Variants in ASB15 observed in about 807,000 individuals in gnomAD.
The protein encoded by ASB15 is ankyrin repeat and SOCS box protein 15.
A neutral mutation model predicts 58.0 loss-of-function variants in ASB15; 54 were observed. That is an observed-to-expected ratio of 0.93 (90% confidence interval 0.75 to 1.17). The LOEUF (loss-of-function observed/expected upper bound fraction) is 1.17. ASB15 is among the 50% of genes most tolerant of loss of function. The pLI is 0.00. For missense variants in ASB15, 680 were observed against 707.4 expected (o/e 0.96, Z 0.44); for synonymous variants, 249 against 262.4 (o/e 0.95, Z 0.50).
At chr7:123,583,929 T>C (rs1313291014) in intron 1 of ASB15, among the ~76,000 whole-genome samples, 1 of 151,954 alleles carries the variant, frequency 6.6e-6, no homozygotes, top group Non-Finnish European at 1.5e-5. Flanking sequence ...CAGCAGAATT[T>C]GATACAGTCG....
intron 1 of ASB15, among the ~76,000 whole-genome samples, chr7:123,572,706 CTT>C (rs571206312): frequency 1.4e-5 from 2 of 147,818 alleles, no homozygotes; most frequent in South Asian, 4.3e-4. Flanking sequence ...CACTCTATCT[CTT>C]TTTTTTCAAT....
chr7:123,625,858 C>G (rs963558740), intron 8 of ASB15, among the ~76,000 whole-genome samples: 1 of 152,202 alleles, frequency 6.6e-6, no homozygotes, highest in Non-Finnish European at 1.5e-5. Flanking sequence ...AAAAGACTAA[C>G]ATTTTTGAGG....
intron 7 of ASB15, among the ~76,000 whole-genome samples, chr7:123,623,618 C>T (rs774514220): frequency 1.3e-5 from 2 of 151,990 alleles, no homozygotes; most frequent in Non-Finnish European, 2.9e-5. Flanking sequence ...GTAATCCAAG[C>T]ACTTTAGGAG....
rs894742106 is a variant in ASB15 at position 123,637,891 on chromosome 7, A to C, written c.*910A>C. The C allele has an allele frequency of 6.7e-6, 1 of 149,324 alleles. No homozygotes were observed. The highest frequency in any genetic ancestry group is 1.9e-4 in the East Asian group (1 of 5,132). The allele number at this position is 149,324 out of a possible 1,614,324, so 9.2% of individuals were successfully genotyped here. A position where few individuals can be genotyped will look rare whatever the true frequency, so the allele number is the denominator to read the frequency against. On this transcript the variant is annotated 3_prime_UTR_variant, in exon 12 of 12. Coordinates refer to ENST00000451215, the MANE Select transcript of ASB15 (RefSeq NM_001290258.2). Reference sequence around the variant, plus strand: ...CCCCAGATGAACTAAAAAAAAAAAAAAAAAAAAAACCTCTTTCCCGAGCTC... The same window carrying C: ...CCCCAGATGAACTAAAAAAAAAAAACAAAAAAAAACCTCTTTCCCGAGCTC...
At chr7:123,625,016 C>T in intron 8 of ASB15, 1 of 600,554 alleles carries the variant, frequency 1.7e-6, no homozygotes, top group Non-Finnish European at 2.8e-6. Context: ...ACATTGTGAC[C>T]TACGAATTTA....
chr7:123,626,035 TGTCA>T (rs1483260636), intron 8 of ASB15, among the ~76,000 whole-genome samples: 1 of 152,196 alleles, frequency 6.6e-6, no homozygotes, highest in Non-Finnish European at 1.5e-5. Context: ...CTTGTCTTAA[TGTCA>T]GTGTCACTGG....
At chr7:123,605,847 G>A (rs983629224) in intron 2 of ASB15, among the ~76,000 whole-genome samples, 1 of 152,046 alleles carries the variant, frequency 6.6e-6, no homozygotes, top group African/African-American at 2.4e-5. Flanking sequence ...CCTACCTGAG[G>A]GTCGAAAGTG....
chr7:123,582,683 T>C (rs1799268852), intron 1 of ASB15, among the ~76,000 whole-genome samples: 1 of 151,878 alleles, frequency 6.6e-6, no homozygotes, highest in Non-Finnish European at 1.5e-5. Flanking sequence ...ATCCTTCAAG[T>C]CTCAGCTCAA....
At chr7:123,626,958 G>T (rs1444179072) in intron 8 of ASB15, 152 bp from the exon 9 acceptor site, 1 of 677,050 alleles carries the variant, frequency 1.5e-6, no homozygotes, top group Non-Finnish European at 2.4e-6. Context: ...GGCTGATCTC[G>T]AACTCCTGAC....
intron 1 of ASB15, among the ~76,000 whole-genome samples, chr7:123,579,741 C>T (rs1799173846): frequency 6.6e-6 from 1 of 152,028 alleles, no homozygotes; most frequent in African/African-American, 2.4e-5. Context: ...AGAAACAAAT[C>T]TATTATGCTA....
chr7:123,585,921 A>C (rs573240721), intron 1 of ASB15, among the ~76,000 whole-genome samples: 35 of 151,768 alleles, frequency 2.3e-4, no homozygotes, highest in South Asian at 8.3e-4. Flanking sequence ...TTTTTTCTTA[A>C]GGTTGAGTAA....
At chr7:123,636,642 C>T (rs1802442804) in intron 11 of ASB15, among the ~76,000 whole-genome samples, 167 bp from the exon 12 acceptor site, 1 of 152,140 alleles carries the variant, frequency 6.6e-6, no homozygotes, top group Non-Finnish European at 1.5e-5. Context: ...GAGGAGTAGA[C>T]TAGAATGCTC....
chr7:123,574,160 T>C (rs1245556899), intron 1 of ASB15, among the ~76,000 whole-genome samples: 2 of 152,118 alleles, frequency 1.3e-5, no homozygotes, highest in Admixed American at 1.3e-4. Context: ...TGACATCTCT[T>C]CTTTTTTTAT....
chr7:123,605,822 C>A (rs1300010513), intron 2 of ASB15, among the ~76,000 whole-genome samples: 1 of 152,080 alleles, frequency 6.6e-6, no homozygotes, highest in Non-Finnish European at 1.5e-5. Context: ...AAGAAGGGAA[C>A]AACAGACGCC....
chr7:123,624,925 T>A (rs1436479596), intron 8 of ASB15, 111 bp downstream of exon 8: 17 of 1,321,426 alleles, frequency 1.3e-5, no homozygotes, highest in Non-Finnish European at 1.7e-5. Context: ...CTCCTCTTCC[T>A]CTGCTGAATG....
intron 1 of ASB15, among the ~76,000 whole-genome samples, chr7:123,573,305 T>TG (rs1798968779): frequency 6.6e-6 from 1 of 150,516 alleles, no homozygotes; most frequent in Non-Finnish European, 1.5e-5. Context: ...TTTTTTTTTT[T>TG]GTCATCTTAG....
chr7:123,590,635 G>C (rs1421910250), intron 1 of ASB15, among the ~76,000 whole-genome samples: 1 of 152,120 alleles, frequency 6.6e-6, no homozygotes. Context: ...GGTTATAGAT[G>C]TGTGGTGTTA....
intron 1 of ASB15, among the ~76,000 whole-genome samples, chr7:123,589,381 T>G (rs547596056): frequency 1.3e-5 from 2 of 151,776 alleles, no homozygotes; most frequent in South Asian, 4.2e-4. Context: ...GGAGGTTTGT[T>G]ACATAGGTAT....
rs943727485 is a variant in ASB15 at position 123,629,129 on chromosome 7, G to C, written c.1135G>C (p.Asp379His). 1 of 1,614,092 alleles carries C rather than the reference G, an allele frequency of 6.2e-7. No individual in the cohort carries two copies. Among genetic ancestry groups the C allele is most frequent in the Non-Finnish European group, 8.5e-7 (1 of 1,179,986 alleles). ...GGCTGCAGGTGCAGACCCAAACTTA[G>C]ATCCCCTCAACTGTCTACTTGTTGC... ...LLAAGADPNL[D>H]PLNCLLVAVR... Residue 379 changes from aspartate (D) to histidine (H), a missense_variant, in exon 10 of 12, where the codon GAT becomes CAT. Coordinates refer to ENST00000451215, the MANE Select transcript of ASB15 (RefSeq NM_001290258.2).
Sources: allele counts gnomAD v4.1 joint callset (sites outside exome capture counted in the v4.1 genomes callset), GRCh38; gene constraint gnomAD v4.1.1; transcripts MANE v1.5; gene names NCBI Gene and HGNC (gene_info 2026-07-23, HGNC 2026-07-21).